The following NTN4 variants were observed in gnomAD, a reference collection of about 807,000 sequenced individuals.
NTN4 encodes netrin 4, also known as netrin-4.
Under a neutral mutation model 73.6 loss-of-function variants are expected in NTN4, and 32 were observed. The observed-to-expected ratio is 0.44, with a 90% CI of 0.33 to 0.58. The LOEUF is 0.58. Among genes scored for constraint, NTN4 ranks in the 20% least tolerant of loss-of-function variants. The pLI is 0.04. For synonymous variants in NTN4, 258 were observed against 287.5 expected (o/e 0.90, Z 1.04); for missense variants, 654 against 798.3 (o/e 0.82, Z 2.18).
intron 2 of NTN4, among the ~76,000 whole-genome samples, chr12:95,786,394 G>C (rs1238754987): frequency 6.6e-6 from 1 of 152,206 alleles, no homozygotes; most frequent in African/African-American, 2.4e-5. Flanking sequence ...ATGAGTTTAA[G>C]ATGGCCTAAG....
chr12:95,715,579 C>T (rs2078599447), intron 3 of NTN4, among the ~76,000 whole-genome samples: 1 of 152,084 alleles, frequency 6.6e-6, no homozygotes, highest in Admixed American at 6.6e-5. Context: ...GGGTTCACTA[C>T]AAATCTCCAT....
rs143819156 is a variant in NTN4, at chr12:95,738,004, G to A, written c.726C>T (p.Asn242=). 3.3e-4 allele frequency: 526 copies of A among 1,614,074 alleles called. 3 individuals are homozygous for A. The African/African-American group carries it at 5.9e-3, about 18-fold the overall frequency. ...QSCPCQRNDL[N]EEPQHFTHYA... ...AGTGTGTAAAATGTTGAGGCTCTTC[G>A]TTCAGGTCATTTCTCTGACAGGGAC... The change falls in exon 3 of 10, where the codon AAC becomes AAT. Residue 242 remains asparagine, a synonymous_variant. Transcript: ENST00000343702.
At chr12:95,694,712 G>A (rs1033805204) in intron 5 of NTN4, among the ~76,000 whole-genome samples, 6 of 152,088 alleles carry the variant, frequency 3.9e-5, no homozygotes, top group Admixed American at 3.9e-4. Flanking sequence ...TTTACTCTGT[G>A]AAAGGCCATA....
chr12:95,676,899 T>A (rs1390481287), intron 7 of NTN4, among the ~76,000 whole-genome samples: 2 of 152,072 alleles, frequency 1.3e-5, no homozygotes, highest in Non-Finnish European at 2.9e-5. Context: ...AAATTATGAG[T>A]GAATACCATG....
intron 2 of NTN4, among the ~76,000 whole-genome samples, chr12:95,752,927 C>A (rs1179151514): frequency 1.3e-5 from 2 of 152,204 alleles, no homozygotes; most frequent in Non-Finnish European, 2.9e-5. Context: ...ATACCTGATG[C>A]ATATACTTTC....
intron 5 of NTN4, among the ~76,000 whole-genome samples, chr12:95,705,035 G>T (rs1388439622): frequency 2.0e-5 from 3 of 152,190 alleles, no homozygotes; most frequent in Non-Finnish European, 2.9e-5. Context: ...TGACTTAGTA[G>T]TAGTAGTTTT....
intron 9 of NTN4, among the ~76,000 whole-genome samples, chr12:95,662,540 T>C (rs1172603768): frequency 6.6e-6 from 1 of 152,076 alleles, no homozygotes; most frequent in Non-Finnish European, 1.5e-5. Context: ...TAAAAGATTA[T>C]TAAAAGAAAC....
intron 2 of NTN4, among the ~76,000 whole-genome samples, chr12:95,748,978 C>T (rs867262601): frequency 1.9e-4 from 29 of 152,304 alleles, no homozygotes; most frequent in Middle Eastern, 3.4e-3. Context: ...CCTGCCCTGC[C>T]TTAACTGATG....
In NTN4 at chr12:95,665,892, T is replaced by C. The variant is rs1004093050; in HGVS notation, c.1668A>G (p.Lys556=). Residue 556 remains lysine, a synonymous_variant, in exon 9 of 10, where the codon AAA becomes AAG. Transcript: ENST00000343702. ...TTCGCTTTCCTCGGAAAATCTTCAG[T>C]TTGGTAGATTTTAAGACCTTTTTAA... is the stretch of plus-strand genomic sequence containing the variant. The part of the protein sequence containing the change: ...VKIKKVLKST[K]LKIFRGKRTL... The C allele has an allele frequency of 6.2e-7, 1 of 1,613,390 alleles. No homozygotes were observed. Among genetic ancestry groups the C allele is most frequent in the Non-Finnish European group, 8.5e-7 (1 of 1,179,342 alleles).
At chr12:95,671,205 G>C (rs2078227446) in intron 7 of NTN4, 1 of 152,184 alleles carries the variant, frequency 6.6e-6, no homozygotes, top group Non-Finnish European at 1.5e-5. Context: ...CACCATATTG[G>C]TCAAGCTGGT....
chr12:95,684,525 C>G (rs1328140663), intron 5 of NTN4, among the ~76,000 whole-genome samples: 2 of 150,912 alleles, frequency 1.3e-5, no homozygotes, highest in East Asian at 3.9e-4. Flanking sequence ...CCAGGCTGGT[C>G]TCAAACTCCT....
At chr12:95,720,794 C>A (rs1463200101) in intron 3 of NTN4, among the ~76,000 whole-genome samples, 1 of 152,128 alleles carries the variant, frequency 6.6e-6, no homozygotes, top group Non-Finnish European at 1.5e-5. Context: ...ATTGTAAGCT[C>A]AAGGAATGTG....
chr12:95,729,611 TAAAGAG>T (rs2078721494), intron 3 of NTN4, among the ~76,000 whole-genome samples: 1 of 99,498 alleles, frequency 1.0e-5, no homozygotes, highest in African/African-American at 3.2e-5. Context: ...GGAATTATTA[TAAAGAG>T]AGAGAGAGAG....
At chr12:95,775,358 G>A (rs1020313493) in intron 2 of NTN4, among the ~76,000 whole-genome samples, 14 of 152,220 alleles carry the variant, frequency 9.2e-5, no homozygotes, top group African/African-American at 3.4e-4. Flanking sequence ...GCAGCGCACT[G>A]AGCATGAGCC....
At position 95,714,209 on chromosome 12, in the gene NTN4, T is replaced by C. The variant is rs572875924; in HGVS notation, c.865-871A>G. ...TTTGTATTATTTCACTGATAACTTC[T>C]AAAAATTAATGTTTGGAATCATCTG... On this transcript the variant is annotated intron_variant, in intron 3 of 9. Coordinates refer to ENST00000343702, the MANE Select transcript of NTN4 (RefSeq NM_021229.4). 1.5e-4 allele frequency among the ~76,000 whole-genome samples: 23 copies of C among 152,286 alleles called. No individual in the cohort carries two copies. The East Asian group carries it at 4.4e-3, about 29-fold the overall frequency.
chr12:95,749,843 C>T (rs899745393), intron 2 of NTN4, among the ~76,000 whole-genome samples: 32 of 150,448 alleles, frequency 2.1e-4, no homozygotes, highest in East Asian at 6.0e-4. Context: ...TCTCCTTCAC[C>T]CTTAGCGGCA....
chr12:95,750,988 T>C (rs1203920717), intron 2 of NTN4, among the ~76,000 whole-genome samples: 1 of 152,182 alleles, frequency 6.6e-6, no homozygotes, highest in Non-Finnish European at 1.5e-5. Flanking sequence ...CCAAATCAGA[T>C]AGCATTTAGG....
intron 3 of NTN4, among the ~76,000 whole-genome samples, chr12:95,733,796 A>C (rs953577823): frequency 3.9e-5 from 6 of 152,128 alleles, no homozygotes; most frequent in African/African-American, 1.4e-4. Context: ...GGGGCCGGGC[A>C]TGGTGGCTCA....
intron 2 of NTN4, among the ~76,000 whole-genome samples, chr12:95,743,285 GTTTTTC>G (rs1039739256): frequency 3.9e-5 from 6 of 152,004 alleles, no homozygotes; most frequent in South Asian, 2.1e-4. Context: ...TTGTTTTTCT[GTTTTTC>G]TTTTTCATTG....
Sources: allele counts gnomAD v4.1 joint callset (sites outside exome capture counted in the v4.1 genomes callset), GRCh38; gene constraint gnomAD v4.1.1; transcripts MANE v1.5; gene names NCBI Gene and HGNC (gene_info 2026-07-23, HGNC 2026-07-21).